NRXN1: variants seen among roughly 807,000 people sequenced by gnomAD.
NRXN1 encodes the protein neurexin-1.
NRXN1 carries 39 observed loss-of-function variants against 150.9 expected under a neutral mutation model. The observed-to-expected ratio is 0.26, with a 90% CI of 0.20 to 0.34. The LOEUF (loss-of-function observed/expected upper bound fraction) is 0.34. NRXN1 is among the 10% of genes least tolerant of loss of function. The pLI, the probability that NRXN1 is intolerant of heterozygous loss-of-function variation, is 1.00. For synonymous variants in NRXN1, 924 were observed against 757.0 expected (o/e 1.22, Z -3.62); for missense variants, 1,815 against 1,949.9 (o/e 0.93, Z 1.30).
At chr2:50,123,476 G>C (rs1490329727) in intron 18 of NRXN1, among the ~76,000 whole-genome samples, 1 of 152,166 alleles carries the variant, frequency 6.6e-6, no homozygotes, top group Non-Finnish European at 1.5e-5. Flanking sequence ...GAGGGGTGCA[G>C]TCAATGGTAA....
At chr2:50,829,455 T>C (rs1671070812) in intron 5 of NRXN1, 7 of 1,546,474 alleles carry the variant, frequency 4.5e-6, no homozygotes, top group South Asian at 1.1e-5. Context: ...TTTGCTGATG[T>C]AGCCTGACAG....
chr2:50,390,991 A>G (rs1248725233), intron 17 of NRXN1, among the ~76,000 whole-genome samples: 2 of 152,174 alleles, frequency 1.3e-5, no homozygotes, highest in East Asian at 3.9e-4. Context: ...CCTGAAGCAC[A>G]GAGTTGATGT....
In NRXN1 at chr2:50,739,127, TTA is replaced by T. The variant is rs1699120519; in HGVS notation, c.833-115514_833-115513del. 3.6e-5 allele frequency: 9 copies of T among 251,920 alleles called. No individual in the cohort carries two copies. The South Asian group carries it at 3.7e-4, about 10-fold the overall frequency. 15.6% of individuals were successfully genotyped at this position (251,920 alleles called of 1,614,324 possible). A position where few individuals can be genotyped will look rare whatever the true frequency, so the allele number is the denominator to read the frequency against. The stretch of plus-strand genomic sequence containing the variant: ...AATTCAGAGACAATGTTGATAATTT[TTA>T]TATCATTGTATGTCACAAATCTGTA... On this transcript the variant is annotated intron_variant, in intron 5 of 22. Transcript: ENST00000401669.
intron 5 of NRXN1, among the ~76,000 whole-genome samples, chr2:50,907,399 T>C (rs1429108924): frequency 3.3e-5 from 5 of 152,080 alleles, no homozygotes; most frequent in Admixed American, 1.3e-4. Flanking sequence ...ACTAAGTTTG[T>C]TATACTTTTC....
intron 17 of NRXN1, among the ~76,000 whole-genome samples, chr2:50,453,234 T>C (rs2087175635): frequency 6.6e-6 from 1 of 151,928 alleles, no homozygotes; most frequent in African/African-American, 2.4e-5. Flanking sequence ...TGGAGGCTCC[T>C]AAAACATAGA....
At chr2:50,876,207 T>C (rs1395060541) in intron 5 of NRXN1, among the ~76,000 whole-genome samples, 3 of 151,656 alleles carry the variant, frequency 2.0e-5, no homozygotes, top group Admixed American at 6.6e-5. Context: ...ATAAAACCCA[T>C]CCTAGAGGAG....
chr2:50,757,642 G>T (rs1054363519), intron 5 of NRXN1, among the ~76,000 whole-genome samples: 1 of 151,670 alleles, frequency 6.6e-6, no homozygotes. Flanking sequence ...ATGTGGCTCA[G>T]TAATAGTAAC....
chr2:50,573,137 G>A (rs1359695601), intron 8 of NRXN1, among the ~76,000 whole-genome samples: 1 of 151,960 alleles, frequency 6.6e-6, no homozygotes, highest in African/African-American at 2.4e-5. Context: ...TGGGAGGTTG[G>A]GGCAGGAGGA....
rs117811726 is a variant in NRXN1 at position 50,359,865 on chromosome 2, G to C, written c.3364+105577C>G. Among the ~76,000 whole-genome samples the C allele has an allele frequency of 2.4e-4, 36 of 152,220 alleles. No homozygotes were observed. The East Asian group carries it at 6.6e-3, about 28-fold the overall frequency. ...TCAAGGGCACGCAGAGAGAAAGGTT[G>C]GGCTACCCACAAATGGAAGCCCATC... On this transcript the variant is annotated intron_variant, in intron 17 of 22. Transcript: ENST00000401669.
chr2:50,939,454 T>C (rs776872103), intron 2 of NRXN1, among the ~76,000 whole-genome samples: 1 of 152,002 alleles, frequency 6.6e-6, no homozygotes, highest in Non-Finnish European at 1.5e-5. Context: ...TATGATTTAT[T>C]ATTTATAATA....
At chr2:50,671,721 G>A (rs995600518) in intron 5 of NRXN1, among the ~76,000 whole-genome samples, 1 of 151,690 alleles carries the variant, frequency 6.6e-6, no homozygotes, top group African/African-American at 2.4e-5. Flanking sequence ...TTGAAGTAGA[G>A]ATTTGTAAAT....
intron 2 of NRXN1, among the ~76,000 whole-genome samples, chr2:50,978,293 TATATATATATATA>T: frequency 7.9e-6 from 1 of 126,526 alleles, no homozygotes; most frequent in African/African-American, 3.0e-5. Flanking sequence ...TATATATATA[TATATATATATATA>T]AAATATATAT....
chr2:50,959,003 T>G (rs1025597992), intron 2 of NRXN1, among the ~76,000 whole-genome samples: 28 of 152,134 alleles, frequency 1.8e-4, no homozygotes, highest in African/African-American at 6.8e-4. Context: ...AAATTTTTCT[T>G]CAGAATTTTT....
chr2:50,557,401 T>A (rs560969368), intron 8 of NRXN1, among the ~76,000 whole-genome samples: 1 of 152,262 alleles, frequency 6.6e-6, no homozygotes, highest in African/African-American at 2.4e-5. Context: ...GTTATGACCC[T>A]CCCTGAGAGA....
intron 18 of NRXN1, among the ~76,000 whole-genome samples, chr2:50,163,333 G>C (rs115462548): frequency 0.018 from 2,786 of 152,002 alleles, 87 homozygotes; most frequent in African/African-American, 0.063. Flanking sequence ...ATCCACTCAA[G>C]ACTAGAATCA....
At chr2:50,260,617 T>C (rs1309995524) in intron 17 of NRXN1, among the ~76,000 whole-genome samples, 3 of 138,410 alleles carry the variant, frequency 2.2e-5, no homozygotes, top group African/African-American at 5.5e-5. Context: ...AGTTCAAGCT[T>C]TTTTTTTTTC....
At chr2:50,922,451 G>A in intron 4 of NRXN1, 1 of 635,960 alleles carries the variant, frequency 1.6e-6, no homozygotes, top group Non-Finnish European at 2.8e-6. Context: ...AGAAATGAAG[G>A]AAAATAAAAG....
intron 2 of NRXN1, among the ~76,000 whole-genome samples, chr2:50,953,676 C>T (rs1691792257): frequency 6.6e-6 from 1 of 151,812 alleles, no homozygotes; most frequent in Non-Finnish European, 1.5e-5. Context: ...GATTCTCCTG[C>T]CTCGGCCTCC....
At chr2:50,859,557 G>T (rs911153323) in intron 5 of NRXN1, among the ~76,000 whole-genome samples, 1 of 150,344 alleles carries the variant, frequency 6.7e-6, no homozygotes, top group African/African-American at 2.4e-5. Context: ...GGAAAAGGGA[G>T]AAATCTAATA....
Sources: gnomAD v4.1 joint callset for allele counts (sites outside exome capture counted in the v4.1 genomes callset) on GRCh38, gnomAD v4.1.1 for gene constraint, MANE v1.5 for transcripts, NCBI Gene and HGNC (gene_info 2026-07-23, HGNC 2026-07-21) for gene names.